The following NRG4 variants were observed in gnomAD, a reference collection of about 807,000 sequenced individuals.
The protein encoded by NRG4 is pro-neuregulin-4, membrane-bound isoform.
NRG4 carries 10 observed loss-of-function variants against 15.0 expected under a neutral mutation model. The ratio of observed to expected loss-of-function variants is 0.67; its 90% confidence interval spans 0.41 to 1.13. NRG4 has a LOEUF of 1.13. NRG4 is among the 50% of genes most tolerant of loss of function. The pLI is 0.00. For missense variants in NRG4, 139 were observed against 140.2 expected, an observed-to-expected ratio of 0.99 and a Z score of 0.04; for synonymous variants, 41 against 50.1, an observed-to-expected ratio of 0.82 and a Z score of 0.77.
At chr15:76,057,256 T>C (rs1362801670) in intron 1 of NRG4, 1 of 152,080 alleles carries the variant, frequency 6.6e-6, no homozygotes, top group Non-Finnish European at 1.5e-5. Flanking sequence ...CCCCCTGATA[T>C]TAGATTTCAA....
intron 4 of NRG4, among the ~76,000 whole-genome samples, chr15:76,038,914 G>A (rs2035662050): frequency 6.6e-6 from 1 of 152,210 alleles, no homozygotes; most frequent in Admixed American, 6.5e-5. Flanking sequence ...TCAGCACAGA[G>A]AAACTCCATT....
At chr15:75,951,416 C>A (rs890877647) in intron 5 of NRG4, among the ~76,000 whole-genome samples, 3 of 152,034 alleles carry the variant, frequency 2.0e-5, no homozygotes, top group Admixed American at 6.6e-5. Flanking sequence ...GGTCTGCCCC[C>A]CTTGGCCTCC....
intron 3 of NRG4, among the ~76,000 whole-genome samples, chr15:75,986,317 C>G (rs552027719): frequency 6.6e-6 from 1 of 152,260 alleles, no homozygotes; most frequent in African/African-American, 2.4e-5. Context: ...CCCTTTGACC[C>G]AGCCAAATTC....
intron 3 of NRG4, among the ~76,000 whole-genome samples, chr15:75,993,674 G>C (rs899704336): frequency 2.6e-5 from 4 of 151,284 alleles, no homozygotes; most frequent in African/African-American, 9.7e-5. Flanking sequence ...ACTCAGCCTG[G>C]GTGACAGAGT....
chr15:75,944,173 TG>T (rs1237605996), intron 5 of NRG4, among the ~76,000 whole-genome samples: 1 of 152,186 alleles, frequency 6.6e-6, no homozygotes, highest in African/African-American at 2.4e-5. Context: ...CCCATATCTG[TG>T]GAAATGCAGT....
chr15:76,049,168 G>A (rs1435193225), intron 4 of NRG4, among the ~76,000 whole-genome samples: 2 of 150,580 alleles, frequency 1.3e-5, no homozygotes, highest in East Asian at 3.8e-4. Context: ...TCAGGCCTGG[G>A]GTAATTATCA....
intron 5 of NRG4, 37 bp from the exon 6 acceptor site, chr15:75,943,691 A>G: frequency 6.9e-7 from 1 of 1,439,472 alleles, no homozygotes; most frequent in Non-Finnish European, 9.8e-7. Context: ...TGCTTTCTCC[A>G]TTGCAATGTT....
At chr15:75,937,742 T>C (rs2030519020), downstream of NRG4, 1 of 152,122 alleles carries the variant, frequency 6.6e-6, no homozygotes, top group Admixed American at 6.5e-5. Context: ...CTAGACCTTT[T>C]TTGCAAATTA....
intron 3 of NRG4, among the ~76,000 whole-genome samples, chr15:76,002,588 T>C (rs2034452854): frequency 6.6e-6 from 1 of 152,164 alleles, no homozygotes; most frequent in Non-Finnish European, 1.5e-5. Context: ...AACCTGTCTA[T>C]ATGTTTATTA....
intron 5 of NRG4, among the ~76,000 whole-genome samples, chr15:76,023,160 ACACACACACACACACACACACAC>A (rs752554023): frequency 7.3e-5 from 11 of 150,338 alleles, no homozygotes; most frequent in Non-Finnish European, 1.5e-4. Flanking sequence ...ACACACACAC[ACACACACACACACACACACACAC>A]AAGCAAGGAC....
intron 5 of NRG4, among the ~76,000 whole-genome samples, chr15:75,947,094 T>C (rs1277671100): frequency 2.0e-5 from 3 of 152,188 alleles, no homozygotes; most frequent in African/African-American, 7.2e-5. Flanking sequence ...GCATTCGCAT[T>C]GTAGTCCAGC....
At chr15:76,023,554 T>C (rs544743275) in intron 5 of NRG4, among the ~76,000 whole-genome samples, 2 of 152,252 alleles carry the variant, frequency 1.3e-5, no homozygotes, top group South Asian at 4.2e-4. Context: ...TGCTCTGGAT[T>C]ATGAACACAA....
chr15:75,957,807 C>A (rs564418255), intron 4 of NRG4, among the ~76,000 whole-genome samples: 35 of 152,024 alleles, frequency 2.3e-4, no homozygotes, highest in African/African-American at 8.4e-4. Flanking sequence ...TTAGAATTAC[C>A]CTCTGGGTAA....
intron 2 of NRG4, chr15:76,053,047 T>C (rs1162089613): frequency 2.0e-5 from 3 of 151,100 alleles, no homozygotes; most frequent in Non-Finnish European, 4.4e-5. Context: ...ATCATAAAAA[T>C]TTAGAGTTAG....
chr15:76,035,478 T>C (rs1341064126), intron 5 of NRG4, among the ~76,000 whole-genome samples: 3 of 152,164 alleles, frequency 2.0e-5, no homozygotes, highest in African/African-American at 7.2e-5. Context: ...ATGGGTATTA[T>C]GGAAGCCACT....
chr15:75,956,342 C>CTCT (rs1232249733), intron 4 of NRG4, among the ~76,000 whole-genome samples: 20 of 152,074 alleles, frequency 1.3e-4, no homozygotes, highest in Non-Finnish European at 2.1e-4. Flanking sequence ...AATTTTTGTG[C>CTCT]TCTTTTTAAA....
At chr15:75,945,281 T>G (rs79199551) in intron 5 of NRG4, among the ~76,000 whole-genome samples, 149 of 151,862 alleles carry the variant, frequency 9.8e-4, no homozygotes, top group Middle Eastern at 3.4e-3. Context: ...TTTATTTTTT[T>G]TGTGGAATCT....
chr15:76,040,648 T>C (rs1203666457), intron 4 of NRG4, among the ~76,000 whole-genome samples: 1 of 152,186 alleles, frequency 6.6e-6, no homozygotes, highest in Admixed American at 6.5e-5. Context: ...CCTGGCATGG[T>C]GGTTCACACC....
At chr15:76,052,568 A>G in intron 3 of NRG4, among the ~76,000 whole-genome samples, 1 of 151,146 alleles carries the variant, frequency 6.6e-6, no homozygotes, top group Admixed American at 6.6e-5. Flanking sequence ...GTGTTCCCCA[A>G]GAAAAAAATG....
Sources: gnomAD v4.1 joint callset for allele counts (sites outside exome capture counted in the v4.1 genomes callset) on GRCh38, gnomAD v4.1.1 for gene constraint, MANE v1.5 for transcripts, NCBI Gene and HGNC (gene_info 2026-07-23, HGNC 2026-07-21) for gene names.